The following SUGCT variants were observed in gnomAD, a reference collection of about 807,000 sequenced individuals.
SUGCT encodes succinyl-CoA:glutarate CoA-transferase.
A neutral mutation model predicts 55.0 loss-of-function variants in SUGCT; 41 were observed. That is an observed-to-expected ratio of 0.74 (90% CI 0.58 to 0.97). The LOEUF (loss-of-function observed/expected upper bound fraction) is 0.97. SUGCT is among the 50% of genes least tolerant of loss of function. The pLI is 0.00. For synonymous variants in SUGCT, 187 were observed against 200.4 expected, an observed-to-expected ratio of 0.93 and a Z score of 0.56; for missense variants, 568 against 547.8, an observed-to-expected ratio of 1.04 and a Z score of -0.37.
intron 13 of SUGCT, among the ~76,000 whole-genome samples, chr7:40,833,798 C>T (rs969203134): frequency 2.4e-4 from 36 of 152,148 alleles, no homozygotes; most frequent in African/African-American, 8.7e-4. Flanking sequence ...AGAGAGTTCT[C>T]CTCTCCCACA....
intron 13 of SUGCT, among the ~76,000 whole-genome samples, chr7:40,836,516 G>T (rs1192353357): frequency 1.2e-4 from 18 of 152,202 alleles, no homozygotes; most frequent in African/African-American, 3.9e-4. Context: ...TATCATACAC[G>T]TAGATCCTTG....
At position 40,540,264 on chromosome 7, in the gene SUGCT, T is replaced by A. The variant is rs76678134; in HGVS notation, c.1089+43878T>A. 1.1e-4 allele frequency among the ~76,000 whole-genome samples: 17 copies of A among 152,352 alleles called. No homozygotes were observed. The East Asian group carries it at 3.3e-3, about 29-fold the overall frequency. On this transcript the variant is annotated intron_variant, in intron 12 of 13. Transcript: ENST00000335693. Reference sequence around the variant, plus strand: ...AATAATGGGAATAATAAAATAACTATCATTTACCAAGTACTTTATCATTTC... The same window carrying A: ...AATAATGGGAATAATAAAATAACTAACATTTACCAAGTACTTTATCATTTC...
chr7:40,951,830 A>G, the SUGCT span, among the ~76,000 whole-genome samples: 196 of 152,056 alleles, frequency 1.3e-3, no homozygotes, highest in Non-Finnish European at 2.3e-3. Flanking sequence ...GTTTGTTATA[A>G]TTTCTGTTCT....
chr7:40,849,952 G>C (rs1793768269), intron 13 of SUGCT, among the ~76,000 whole-genome samples: 1 of 152,134 alleles, frequency 6.6e-6, no homozygotes, highest in Non-Finnish European at 1.5e-5. Context: ...ACAGTGCCGT[G>C]AGTCCGGGAC....
At chr7:40,977,621 C>T in the SUGCT span, among the ~76,000 whole-genome samples, 1 of 152,074 alleles carries the variant, frequency 6.6e-6, no homozygotes, top group African/African-American at 2.4e-5. Context: ...GGTGGCTGCT[C>T]CGACCAGAAA....
At chr7:40,173,968 T>A (rs1784804554) in intron 1 of SUGCT, among the ~76,000 whole-genome samples, 1 of 150,838 alleles carries the variant, frequency 6.6e-6, no homozygotes, top group South Asian at 2.1e-4. Flanking sequence ...AGAAACAGGG[T>A]CTTGCTCTGT....
chr7:40,786,054 G>T (rs1020846030), intron 13 of SUGCT, among the ~76,000 whole-genome samples: 1 of 152,128 alleles, frequency 6.6e-6, no homozygotes. Context: ...AGCTATGATT[G>T]CCCTACTGCA....
At chr7:40,143,346 T>G (rs1788085016) in intron 1 of SUGCT, among the ~76,000 whole-genome samples, 1 of 152,212 alleles carries the variant, frequency 6.6e-6, no homozygotes, top group South Asian at 2.1e-4. Context: ...AGACATGAGG[T>G]AAAATTGATT....
At chr7:40,187,636 A>G (rs1785602365) in intron 3 of SUGCT, among the ~76,000 whole-genome samples, 1 of 152,138 alleles carries the variant, frequency 6.6e-6, no homozygotes, top group South Asian at 2.1e-4. Flanking sequence ...TATGAGTGCA[A>G]ATATCTAAAA....
chr7:40,595,365 A>ATTTT (rs1797950783), intron 12 of SUGCT, among the ~76,000 whole-genome samples: 1 of 152,178 alleles, frequency 6.6e-6, no homozygotes, highest in Non-Finnish European at 1.5e-5. Context: ...TTTTTGTTGT[A>ATTTT]ATATATCATG....
At chr7:41,025,401 G>A in the SUGCT span, among the ~76,000 whole-genome samples, 13 of 150,334 alleles carry the variant, frequency 8.6e-5, no homozygotes, top group African/African-American at 2.2e-4. Flanking sequence ...ACGTAGTTTC[G>A]CTCTGTCACC....
intron 7 of SUGCT, among the ~76,000 whole-genome samples, chr7:40,246,754 G>A (rs1789909065): frequency 6.6e-6 from 1 of 151,910 alleles, no homozygotes; most frequent in African/African-American, 2.4e-5. Flanking sequence ...ACGCCACCAT[G>A]CCTGGCTATT....
intron 13 of SUGCT, among the ~76,000 whole-genome samples, chr7:40,815,569 G>T (rs140091358): frequency 6.6e-6 from 1 of 151,968 alleles, no homozygotes; most frequent in Non-Finnish European, 1.5e-5. Context: ...TTCTCTGCTC[G>T]GGAGGGGCAG....
intron 12 of SUGCT, among the ~76,000 whole-genome samples, chr7:40,548,594 C>G (rs1795137621): frequency 1.3e-5 from 2 of 152,118 alleles, no homozygotes; most frequent in African/African-American, 4.8e-5. Context: ...CACGTGCCCA[C>G]ATATCCATAG....
intron 12 of SUGCT, among the ~76,000 whole-genome samples, chr7:40,615,604 T>C (rs1373919828): frequency 6.6e-6 from 1 of 152,210 alleles, no homozygotes; most frequent in African/African-American, 2.4e-5. Context: ...CTGCCTGAGC[T>C]CATCTGCTGT....
intron 12 of SUGCT, among the ~76,000 whole-genome samples, chr7:40,543,321 C>T (rs1383792377): frequency 6.6e-6 from 1 of 152,116 alleles, no homozygotes; most frequent in East Asian, 1.9e-4. Context: ...AAATCTAGTT[C>T]TCTAAAATAT....
At chr7:40,605,367 T>C (rs2151760886) in intron 12 of SUGCT, among the ~76,000 whole-genome samples, 1 of 152,266 alleles carries the variant, frequency 6.6e-6, no homozygotes, top group East Asian at 1.9e-4. Flanking sequence ...ACACAAAGAA[T>C]TACCTAGTAA....
chr7:40,448,484 A>G (rs1326248534), intron 9 of SUGCT, among the ~76,000 whole-genome samples: 1 of 151,422 alleles, frequency 6.6e-6, no homozygotes, highest in Non-Finnish European at 1.5e-5. Flanking sequence ...TGTTTTTTTG[A>G]CAAATGTTGT....
At chr7:40,580,422 TAGA>T (rs1433946828) in intron 12 of SUGCT, among the ~76,000 whole-genome samples, 2 of 152,244 alleles carry the variant, frequency 1.3e-5, no homozygotes, top group African/African-American at 4.8e-5. Flanking sequence ...AGAACAGTGC[TAGA>T]AGACTTGTAG....
Sources: gnomAD v4.1 joint callset for allele counts (sites outside exome capture counted in the v4.1 genomes callset) on GRCh38, gnomAD v4.1.1 for gene constraint, MANE v1.5 for transcripts, NCBI Gene and HGNC (gene_info 2026-07-23, HGNC 2026-07-21) for gene names.